Variants in A2ML1 observed in about 807,000 individuals in gnomAD.
A2ML1 encodes the protein alpha-2-macroglobulin-like protein 1.
In A2ML1, 161 loss-of-function variants were observed where a neutral mutation model predicts 181.9. The ratio of observed to expected loss-of-function variants is 0.89; its 90% CI spans 0.78 to 1.01. The LOEUF (loss-of-function observed/expected upper bound fraction) is 1.01. A2ML1 is among the 50% of genes least tolerant of loss of function. The pLI is 0.00. For synonymous variants in A2ML1, 663 were observed against 666.8 expected, an observed-to-expected ratio of 0.99 and a Z score of 0.09; for missense variants, 1,670 against 1,768.1, an observed-to-expected ratio of 0.94 and a Z score of 1.00.
At chr12:8,849,855 T>A in intron 17 of A2ML1, 96 bp downstream of exon 17, 1 of 1,149,492 alleles carries the variant, frequency 8.7e-7, no homozygotes, top group Non-Finnish European at 1.3e-6. Flanking sequence ...ACTGAGCCTC[T>A]AGCCCGAGAA....
chr12:8,866,216 A>T (rs1482517861), intron 29 of A2ML1, among the ~76,000 whole-genome samples: 8 of 146,442 alleles, frequency 5.5e-5, no homozygotes, highest in Non-Finnish European at 1.2e-4. Context: ...GAGGCAGGAG[A>T]ATGGCGTGAA....
At chr12:8,867,479 C>T (rs1324367717) in intron 29 of A2ML1, among the ~76,000 whole-genome samples, 1 of 152,136 alleles carries the variant, frequency 6.6e-6, no homozygotes, top group Non-Finnish European at 1.5e-5. Context: ...GAAACCCCTT[C>T]TCTACTAAAA....
At chr12:8,868,207 G>T in intron 30 of A2ML1, 23 bp from the exon 31 acceptor site, 1 of 1,613,238 alleles carries the variant, frequency 6.2e-7, no homozygotes, top group South Asian at 1.1e-5. Flanking sequence ...AGTCTGATTT[G>T]GCTACCTATT....
intron 18 of A2ML1, among the ~76,000 whole-genome samples, chr12:8,851,392 C>T (rs1271170805): frequency 6.6e-6 from 1 of 151,952 alleles, no homozygotes; most frequent in African/African-American, 2.4e-5. Context: ...AACAATTTTA[C>T]TTCTGCAGAT....
intron 26 of A2ML1, chr12:8,858,399 A>G (rs1944145344): frequency 1.2e-5 from 3 of 249,708 alleles, no homozygotes; most frequent in Non-Finnish European, 2.3e-5. Flanking sequence ...CCTGGGCAAC[A>G]TGGTGAAACC....
At chr12:8,837,893 A>G (rs1592115113) in intron 8 of A2ML1, among the ~76,000 whole-genome samples, 2 of 7,138 alleles carry the variant, frequency 2.8e-4, no homozygotes, top group African/African-American at 4.4e-4. Context: ...CCCCCACCGA[A>G]AAAAAAAAAA....
intron 17 of A2ML1, 59 bp from the exon 18 acceptor site, chr12:8,850,101 T>G: frequency 7.4e-7 from 1 of 1,350,750 alleles, no homozygotes; most frequent in Non-Finnish European, 1.0e-6. Flanking sequence ...CCATCCCAAT[T>G]TATGTCACAA....
rs978381588 is a variant in A2ML1 at position 8,883,261 on chromosome 12, C to T, written c.*94+2645C>T. ...GTGTAAGATCTCTGGAAAGCTGGAC[C>T]CTGTGCTGGGTGCTTCCAACTCCCC... On this transcript the variant is annotated intron_variant and NMD_transcript_variant, in intron 7 of 7. Coordinates refer to the A2ML1 transcript ENST00000537475. Among the ~76,000 whole-genome samples the T allele has an allele frequency of 5.9e-5, 9 of 152,170 alleles. No individual in the cohort carries two copies. The East Asian group carries it at 1.5e-3, about 26-fold the overall frequency.
At chr12:8,847,098 C>CTTTTTTTT (rs1212257948) in intron 14 of A2ML1, among the ~76,000 whole-genome samples, 369 of 93,268 alleles carry the variant, frequency 4.0e-3, no homozygotes, top group Non-Finnish European at 5.3e-3. Context: ...CCATGCCTGG[C>CTTTTTTTT]TTTTTTTTTT....
At chr12:8,847,803 C>A in intron 15 of A2ML1, 105 bp downstream of exon 15, 1 of 1,421,840 alleles carries the variant, frequency 7.0e-7, no homozygotes, top group Non-Finnish European at 9.5e-7. Flanking sequence ...AAATAATGCA[C>A]TGCCATAAGG....
chr12:8,843,613 A>G (rs1246345304), intron 12 of A2ML1, among the ~76,000 whole-genome samples: 1 of 152,232 alleles, frequency 6.6e-6, no homozygotes, highest in Non-Finnish European at 1.5e-5. Flanking sequence ...TAGATATTTT[A>G]CATTCTTGTT....
At chr12:8,859,458 C>T (rs921653025) in intron 26 of A2ML1, among the ~76,000 whole-genome samples, 3 of 151,996 alleles carry the variant, frequency 2.0e-5, no homozygotes, top group South Asian at 2.1e-4. Flanking sequence ...GAGGCTGAGG[C>T]GAGTGGATCA....
In A2ML1 at chr12:8,883,931, GCC is replaced by G. The variant is rs1181914817; in HGVS notation, c.*95-2574_*95-2573del. Among the ~76,000 whole-genome samples, 1,507 of 151,990 alleles carry G rather than the reference GCC, an allele frequency of 9.9e-3. 26 individuals carry two copies. Among genetic ancestry groups the G allele is most frequent in the African/African-American group, 0.035 (1,438 of 41,372 alleles). ...CTCCCCAGTAGCTGAGACTACAGGC[GCC>G]CGCCAACACGCCTGGCTAATTTTTG... On this transcript the variant is annotated intron_variant and NMD_transcript_variant, in intron 7 of 7. Coordinates refer to the A2ML1 transcript ENST00000537475.
intron 16 of A2ML1, 26 bp from the exon 17 acceptor site, chr12:8,849,643 A>C (rs1943819221): frequency 6.3e-7 from 1 of 1,599,842 alleles, no homozygotes; most frequent in African/African-American, 1.3e-5. Context: ...GACCACCTTA[A>C]TACTTATTTC....
At chr12:8,871,759 C>G (rs1206286313) in intron 33 of A2ML1, among the ~76,000 whole-genome samples, 2 of 151,906 alleles carry the variant, frequency 1.3e-5, no homozygotes. Flanking sequence ...CTATCCTTTC[C>G]CCATTACTAT....
At chr12:8,860,976 C>T in intron 27 of A2ML1, 21 bp downstream of exon 27, 2 of 1,613,740 alleles carry the variant, frequency 1.2e-6, no homozygotes, top group Non-Finnish European at 1.7e-6. Flanking sequence ...CTGGCTCCTG[C>T]TCTTGATACC....
intron 29 of A2ML1, among the ~76,000 whole-genome samples, chr12:8,865,644 C>T (rs1037784477): frequency 6.6e-6 from 1 of 152,140 alleles, no homozygotes; most frequent in African/African-American, 2.4e-5. Flanking sequence ...AAACATTGGA[C>T]TTGAAGAGAT....
intron 17 of A2ML1, among the ~76,000 whole-genome samples, 198 bp from the exon 18 acceptor site, chr12:8,849,962 C>T (rs999414310): frequency 6.6e-6 from 1 of 152,136 alleles, no homozygotes; most frequent in Non-Finnish European, 1.5e-5. Flanking sequence ...ATCCATTCCC[C>T]GGCCAAACCT....
intron 3 of A2ML1, among the ~76,000 whole-genome samples, chr12:8,825,806 T>A (rs770678491): frequency 6.6e-6 from 1 of 152,320 alleles, no homozygotes; most frequent in South Asian, 2.1e-4. Flanking sequence ...GTTTCATTCT[T>A]CTGCATATGG....
Sources: gnomAD v4.1 joint callset for allele counts (sites outside exome capture counted in the v4.1 genomes callset) on GRCh38, gnomAD v4.1.1 for gene constraint, MANE v1.5 for transcripts, NCBI Gene and HGNC (gene_info 2026-07-23, HGNC 2026-07-21) for gene names.